Variants in GRIA4 observed in about 807,000 individuals in gnomAD.
GRIA4 encodes the protein glutamate ionotropic receptor AMPA type subunit 4, also known as glutamate receptor 4.
In GRIA4, 34 loss-of-function variants were observed where a neutral mutation model predicts 104.0. The ratio of observed to expected loss-of-function variants is 0.33; its 90% CI spans 0.25 to 0.44. GRIA4 has a LOEUF of 0.44. Among genes scored for constraint, GRIA4 ranks in the 20% least tolerant of loss-of-function variants. GRIA4 has a pLI of 1.00. For missense variants in GRIA4, 750 were observed against 1,096.5 expected, an observed-to-expected ratio of 0.68 and a Z score of 4.46; for synonymous variants, 386 against 381.9, an observed-to-expected ratio of 1.01 and a Z score of -0.13.
chr11:105,885,654 C>G (rs888716827), intron 5 of GRIA4, among the ~76,000 whole-genome samples: 1 of 152,214 alleles, frequency 6.6e-6, no homozygotes, highest in Non-Finnish European at 1.5e-5. Flanking sequence ...AAGGGTATAG[C>G]TGAAAAAATT....
chr11:105,826,792 G>A (rs908724262), intron 4 of GRIA4, among the ~76,000 whole-genome samples: 3 of 151,936 alleles, frequency 2.0e-5, no homozygotes, highest in Non-Finnish European at 4.4e-5. Flanking sequence ...TTGGGTCTAC[G>A]AACATCCAAA....
chr11:105,631,110 C>A (rs1951025226), intron 3 of GRIA4, among the ~76,000 whole-genome samples: 1 of 152,120 alleles, frequency 6.6e-6, no homozygotes. Flanking sequence ...GACAATTTTT[C>A]TGTGTCTAAA....
intron 15 of GRIA4, among the ~76,000 whole-genome samples, chr11:105,973,284 A>C (rs2136287335): frequency 6.6e-6 from 1 of 152,306 alleles, no homozygotes; most frequent in Non-Finnish European, 1.5e-5. Flanking sequence ...TGCTGAGAAG[A>C]TAATGACTAC....
intron 3 of GRIA4, among the ~76,000 whole-genome samples, chr11:105,623,629 C>G (rs1415932082): frequency 6.6e-6 from 1 of 152,008 alleles, no homozygotes; most frequent in African/African-American, 2.4e-5. Flanking sequence ...ATTTGCCTAA[C>G]TAGAGTTTTC....
At chr11:105,712,596 C>A (rs527758651) in intron 3 of GRIA4, among the ~76,000 whole-genome samples, 1 of 152,018 alleles carries the variant, frequency 6.6e-6, no homozygotes, top group African/African-American at 2.4e-5. Context: ...TCAGCCTATC[C>A]TATTTTTTGT....
intron 6 of GRIA4, among the ~76,000 whole-genome samples, chr11:105,891,028 G>A (rs980201180): frequency 1.3e-5 from 2 of 152,136 alleles, no homozygotes; most frequent in African/African-American, 4.8e-5. Context: ...AGTAGAGGCA[G>A]GAAAACCTTA....
chr11:105,733,037 A>T (rs905842170), intron 3 of GRIA4, among the ~76,000 whole-genome samples: 6 of 152,188 alleles, frequency 3.9e-5, no homozygotes. Flanking sequence ...CTCTTATATT[A>T]TCTTCTTTCC....
chr11:105,753,325 T>A, intron 4 of GRIA4, 105 bp downstream of exon 4: 3 of 992,550 alleles, frequency 3.0e-6, no homozygotes, highest in Non-Finnish European at 4.6e-6. Flanking sequence ...CTAACATCAC[T>A]AAAATCAGAA....
At chr11:105,725,174 A>T (rs951599248) in intron 3 of GRIA4, among the ~76,000 whole-genome samples, 1 of 152,204 alleles carries the variant, frequency 6.6e-6, no homozygotes. Flanking sequence ...AAGCATTGAA[A>T]CAGTTTAAGC....
At chr11:105,803,293 A>C (rs2135843793) in intron 4 of GRIA4, among the ~76,000 whole-genome samples, 1 of 152,076 alleles carries the variant, frequency 6.6e-6, no homozygotes, top group African/African-American at 2.4e-5. Context: ...TATTAGTTCC[A>C]TGTTAGAGAG....
In GRIA4 at chr11:105,956,267, C is replaced by T. The variant is rs550986653; in HGVS notation, c.2295-15647C>T. Among the ~76,000 whole-genome samples the T allele has an allele frequency of 4.6e-5, 7 of 152,184 alleles. No individual in the cohort carries two copies. In the South Asian group the frequency reaches 6.2e-4, roughly 14 times the overall value. ...ATGCTATCCCTCCCCGCTCCCCCCACCCCACAACAGGCCCCAGTTTGTGAT... is the reference window on the plus strand; with the variant it reads ...ATGCTATCCCTCCCCGCTCCCCCCATCCCACAACAGGCCCCAGTTTGTGAT... On this transcript the variant is annotated intron_variant, in intron 14 of 16. Coordinates refer to ENST00000282499, the MANE Select transcript of GRIA4 (RefSeq NM_000829.4).
chr11:105,790,855 T>C (rs1231002290), intron 4 of GRIA4, among the ~76,000 whole-genome samples: 1 of 152,190 alleles, frequency 6.6e-6, no homozygotes, highest in Non-Finnish European at 1.5e-5. Flanking sequence ...TGGAAGCATA[T>C]ATCCTTCCAT....
chr11:105,638,058 T>G (rs1259623807), intron 3 of GRIA4, among the ~76,000 whole-genome samples: 2 of 152,196 alleles, frequency 1.3e-5, no homozygotes, highest in Non-Finnish European at 2.9e-5. Flanking sequence ...TTTGTGCGTT[T>G]GAACTAATGT....
intron 4 of GRIA4, among the ~76,000 whole-genome samples, chr11:105,827,473 C>T (rs553719380): frequency 2.0e-5 from 3 of 151,986 alleles, no homozygotes; most frequent in East Asian, 1.9e-4. Context: ...GTTAAATAAA[C>T]TTATCTTAAA....
rs369149701 is a variant in GRIA4 at position 105,683,938 on chromosome 11, C to CA, written c.248-69042dup. On this transcript the variant is annotated intron_variant, in intron 3 of 16. Transcript: ENST00000282499. ...TCGCCAGGCTGGAGTGCAATGGCGC[C>CA]ATCTCGGCTCACTGCAAACTTCACC... Among the ~76,000 whole-genome samples the CA allele has an allele frequency of 5.3e-3, 803 of 152,030 alleles. 6 individuals carry two copies. The highest frequency in any genetic ancestry group is 0.018 in the African/African-American group (731 of 41,466).
intron 5 of GRIA4, among the ~76,000 whole-genome samples, chr11:105,872,905 G>A (rs758721022): frequency 6.6e-6 from 1 of 151,908 alleles, no homozygotes; most frequent in East Asian, 1.9e-4. Flanking sequence ...TTTTTCACAG[G>A]AATATCTTAG....
chr11:105,655,577 T>C (rs939454170), intron 3 of GRIA4, among the ~76,000 whole-genome samples: 7 of 152,004 alleles, frequency 4.6e-5, no homozygotes, highest in African/African-American at 1.7e-4. Context: ...TTATGACTTA[T>C]GTGGTGTTTG....
chr11:105,969,605 GA>G (rs1858577350), intron 14 of GRIA4, among the ~76,000 whole-genome samples: 1 of 152,112 alleles, frequency 6.6e-6, no homozygotes, highest in South Asian at 2.1e-4. Flanking sequence ...CCTTCTTGAA[GA>G]AACTTAAAGG....
chr11:105,883,279 T>TC (rs1223612172), intron 5 of GRIA4, among the ~76,000 whole-genome samples: 3 of 149,226 alleles, frequency 2.0e-5, no homozygotes, highest in Non-Finnish European at 4.5e-5. Context: ...ACCGTTTCTT[T>TC]TTTTTTTTTT....
Sources: gnomAD v4.1 joint callset for allele counts (sites outside exome capture counted in the v4.1 genomes callset) on GRCh38, gnomAD v4.1.1 for gene constraint, MANE v1.5 for transcripts, NCBI Gene and HGNC (gene_info 2026-07-23, HGNC 2026-07-21) for gene names.